Variants in ZFPM1 observed in about 807,000 individuals in gnomAD.
The protein encoded by ZFPM1 is zinc finger protein, FOG family member 1, also known as zinc finger protein ZFPM1.
ZFPM1 carries 28 observed loss-of-function variants against 46.3 expected under a neutral mutation model. That is an observed-to-expected ratio of 0.60 (90% CI 0.45 to 0.83). The LOEUF is 0.83. Ranked by LOEUF, ZFPM1 falls within the 40% of genes least tolerant of loss-of-function variation. The pLI, the probability that ZFPM1 is intolerant of heterozygous loss-of-function variation, is 0.00. For synonymous variants in ZFPM1, 957 were observed against 675.9 expected (o/e 1.42, Z -6.45); for missense variants, 1,878 against 1,432.4 (o/e 1.31, Z -5.02).
chr16:88,526,057 G>A (rs1483193148), intron 4 of ZFPM1, among the ~76,000 whole-genome samples: 2 of 152,176 alleles, frequency 1.3e-5, no homozygotes, highest in Non-Finnish European at 2.9e-5. Flanking sequence ...TGACAGTGAG[G>A]CCAGGGGGGC....
chr16:88,534,875 C>T lies in ZFPM1; in HGVS notation c.2917C>T (p.His973Tyr). The T allele has an allele frequency of 1.3e-6, 2 of 1,569,298 alleles. No individual in the cohort carries two copies. The highest frequency in any genetic ancestry group is 1.7e-6 in the Non-Finnish European group (2 of 1,163,120). The stretch of plus-strand genomic sequence containing the variant: ...GCCGGCGCCGCTGCCCAACGGCAAC[C>T]ACCGGTACTGCCGTCTTTGCAACAT... ...GTPAPLPNGN[H>Y]RYCRLCNIKF... Residue 973 changes from histidine to tyrosine, a missense_variant, in exon 10 of 10, where the codon CAC becomes TAC. Coordinates refer to ENST00000319555, the MANE Select transcript of ZFPM1 (RefSeq NM_153813.3).
intron 6 of ZFPM1, among the ~76,000 whole-genome samples, chr16:88,528,881 T>C (rs906402067): frequency 6.6e-6 from 1 of 152,168 alleles, no homozygotes; most frequent in Non-Finnish European, 1.5e-5. Flanking sequence ...CACATGGCCG[T>C]ATGTCCCTGG....
At chr16:88,531,744 C>G (rs1235214083) in intron 6 of ZFPM1, among the ~76,000 whole-genome samples, 1 of 152,226 alleles carries the variant, frequency 6.6e-6, no homozygotes, top group Non-Finnish European at 1.5e-5. Context: ...TGGGGCTCAC[C>G]ATTGGAAGGG....
chr16:88,534,074 T>A lies in ZFPM1; in HGVS notation c.2116T>A (p.Cys706Ser). The change falls in exon 10 of 10, where the codon TGC (cysteine) becomes AGC (serine). Residue 706 changes from cysteine (C) to serine (S), a missense_variant. Cys to Ser is a moderately radical substitution (Grantham distance 112). Transcript: ENST00000319555. Reference protein sequence around the residue: ...ETYTVHKRYYCASRHDPPPRR... With the variant: ...ETYTVHKRYYSASRHDPPPRR... ...CTACACCGTGCACAAGCGGTACTAC[T>A]GCGCCTCGCGCCACGACCCGCCGCC... is the stretch of plus-strand genomic sequence containing the variant. 8.2e-7 allele frequency: 1 copy of A among 1,214,194 alleles called. No individual in the cohort carries two copies. The highest frequency in any genetic ancestry group is 1.4e-5 in the South Asian group (1 of 70,944). 75.2% of individuals were successfully genotyped at this position (1,214,194 alleles called of 1,614,324 possible). A position where few individuals can be genotyped will look rare whatever the true frequency, so the allele number is the denominator to read the frequency against.
chr16:88,501,496 C>G (rs71372771), intron 3 of ZFPM1, among the ~76,000 whole-genome samples: 1 of 146,734 alleles, frequency 6.8e-6, no homozygotes, highest in African/African-American at 2.6e-5. Context: ...GTGGGCCCTC[C>G]CGCAGGTGCT....
chr16:88,519,914 G>A (rs1191739138), intron 4 of ZFPM1, among the ~76,000 whole-genome samples: 2 of 151,030 alleles, frequency 1.3e-5, no homozygotes, highest in Non-Finnish European at 3.0e-5. Flanking sequence ...TTGACGGCTG[G>A]GTAGATGGAT....
intron 1 of ZFPM1, 84 bp downstream of exon 1, chr16:88,453,762 CG>C (rs1399187126): frequency 1.2e-6 from 1 of 864,642 alleles, no homozygotes; most frequent in Non-Finnish European, 1.4e-6. Flanking sequence ...CGCCCGTCCC[CG>C]CTCTGCCCTG....
At chr16:88,454,030 A>G (rs1318461819) in intron 1 of ZFPM1, among the ~76,000 whole-genome samples, 2 of 152,054 alleles carry the variant, frequency 1.3e-5, no homozygotes, top group Non-Finnish European at 1.5e-5. Context: ...GGCTCAGATA[A>G]AGTTTAAAAT....
At chr16:88,479,920 C>A (rs962751628) in intron 1 of ZFPM1, among the ~76,000 whole-genome samples, 10 of 149,888 alleles carry the variant, frequency 6.7e-5, no homozygotes, top group African/African-American at 2.5e-4. Flanking sequence ...TCACACCCCC[C>A]GCCGAAGGAG....
intron 4 of ZFPM1, among the ~76,000 whole-genome samples, chr16:88,523,459 A>C (rs1376632666): frequency 6.6e-6 from 1 of 152,198 alleles, no homozygotes; most frequent in Non-Finnish European, 1.5e-5. Context: ...AGTGGCTCCC[A>C]GGATGGGCGG....
At chr16:88,485,058 G>C (rs1461518050) in intron 1 of ZFPM1, among the ~76,000 whole-genome samples, 1 of 152,208 alleles carries the variant, frequency 6.6e-6, no homozygotes, top group Non-Finnish European at 1.5e-5. Flanking sequence ...GGGTGAGGGT[G>C]TCACCCCAGG....
rs1246892596 is a variant in ZFPM1 at position 88,532,186 on chromosome 16, G to A, written c.897G>A (p.Lys299=). The part of the protein sequence containing the change: ...ERVCPFPQCR[K]SCPSASSLEI... ...TCTGCCCCTTCCCCCAGTGCCGCAA[G>A]AGCTGCCCCAGCGCCAGCTCCCTGG... The change falls in exon 7 of 10, where the codon AAG becomes AAA. Residue 299 remains lysine, a synonymous_variant. Coordinates refer to ENST00000319555, the MANE Select transcript of ZFPM1 (RefSeq NM_153813.3). 3.1e-6 allele frequency: 5 copies of A among 1,610,760 alleles called. No homozygotes were observed. In the South Asian group the frequency reaches 4.4e-5, roughly 14 times the overall value.
chr16:88,518,067 T>C (rs1325988643), intron 4 of ZFPM1, among the ~76,000 whole-genome samples: 3 of 151,874 alleles, frequency 2.0e-5, no homozygotes, highest in African/African-American at 4.8e-5. Context: ...TAGCCGGGCA[T>C]GGTGGCGGGC....
At chr16:88,528,773 T>C (rs2142481115) in intron 6 of ZFPM1, among the ~76,000 whole-genome samples, 1 of 152,328 alleles carries the variant, frequency 6.6e-6, no homozygotes, top group Non-Finnish European at 1.5e-5. Context: ...GGTCTCACTC[T>C]GTTACCCAGG....
chr16:88,469,684 C>CCACGG lies in ZFPM1; in HGVS notation c.40+16010_40+16014dup, dbSNP rs2142352656. ...ACCTGGCTGGAGGCCCTGTCAGCTC[C>CCACGG]CACGGCACCTGAAAATCAGCCACAG... On this transcript the variant is annotated intron_variant, in intron 1 of 9. Coordinates refer to ENST00000319555, the MANE Select transcript of ZFPM1 (RefSeq NM_153813.3). The surrounding 1 kb of genome is among the most constrained non-coding windows in gnomAD (Gnocchi z 4.3). 6.6e-6 allele frequency among the ~76,000 whole-genome samples: 1 copy of CCACGG among 152,330 alleles called. No homozygotes were observed. Among genetic ancestry groups the CCACGG allele is most frequent in the South Asian group, 2.1e-4 (1 of 4,820 alleles).
At chr16:88,490,884 G>T (rs945967861) in intron 3 of ZFPM1, among the ~76,000 whole-genome samples, 3 of 152,174 alleles carry the variant, frequency 2.0e-5, no homozygotes, top group African/African-American at 7.2e-5. Flanking sequence ...TGCCCACCTG[G>T]GACCCACAGA....
rs1384439755 is a variant in ZFPM1 at position 88,518,199 on chromosome 16, C to T, written c.402+3679C>T. 3.4e-5 allele frequency among the ~76,000 whole-genome samples: 5 copies of T among 147,014 alleles called. No individual in the cohort carries two copies. In the South Asian group the frequency reaches 6.4e-4, roughly 19 times the overall value. On this transcript the variant is annotated intron_variant, in intron 4 of 9. Coordinates refer to ENST00000319555, the MANE Select transcript of ZFPM1 (RefSeq NM_153813.3). ...CAGCCTAGGCGACAGAGCGAGACTC[C>T]GTCTCAAAAAAAAAAAAAATGAGTG... is the stretch of plus-strand genomic sequence containing the variant.
intron 4 of ZFPM1, among the ~76,000 whole-genome samples, chr16:88,525,258 G>A (rs565671712): frequency 1.1e-4 from 17 of 152,232 alleles, no homozygotes; most frequent in Admixed American, 1.0e-3. Context: ...GGTCCCACGC[G>A]TGCTGGCAAA....
chr16:88,527,349 C>T lies in ZFPM1; in HGVS notation c.505+433C>T, dbSNP rs895364285. On this transcript the variant is annotated intron_variant, in intron 5 of 9. Transcript: ENST00000319555. ...TCCAGGAACGGTCAAGGTGGCCGTC[C>T]AGGAAGTCGAGGGGCCTTGCCGTGC... Among the ~76,000 whole-genome samples the T allele has an allele frequency of 2.0e-5, 3 of 152,200 alleles. No individual in the cohort carries two copies. In the South Asian group the frequency reaches 6.2e-4, roughly 31 times the overall value.
Sources: allele counts gnomAD v4.1 joint callset (sites outside exome capture counted in the v4.1 genomes callset), GRCh38; gene constraint gnomAD v4.1.1; non-coding constraint Gnocchi (gnomAD v3.1); transcripts MANE v1.5; gene names NCBI Gene and HGNC (gene_info 2026-07-23, HGNC 2026-07-21).